SLC4A5: variants seen among roughly 807,000 people sequenced by gnomAD.
SLC4A5 encodes electrogenic sodium bicarbonate cotransporter 4.
Under a neutral mutation model 120.4 loss-of-function variants are expected in SLC4A5, and 96 were observed. That is an observed-to-expected ratio of 0.80 (90% CI 0.68 to 0.94). The LOEUF is 0.94. Ranked by LOEUF, SLC4A5 falls within the 40% of genes least tolerant of loss-of-function variation. The pLI is 0.00. For synonymous variants in SLC4A5, 550 were observed against 571.1 expected, an observed-to-expected ratio of 0.96 and a Z score of 0.53; for missense variants, 1,259 against 1,459.5, an observed-to-expected ratio of 0.86 and a Z score of 2.24.
At chr2:74,228,002 G>A (rs2103894318) in intron 25 of SLC4A5, 124 bp from the exon 26 acceptor site, 2 of 670,730 alleles carry the variant, frequency 3.0e-6, no homozygotes, top group East Asian at 5.7e-5. Context: ...GGGGAACAGA[G>A]AGTCAGCAGA....
rs113461179 is a variant in SLC4A5 at position 74,303,500 on chromosome 2, G to A, written c.271+989C>T. On this transcript the variant is annotated intron_variant, in intron 7 of 30. Coordinates refer to ENST00000394019, the Ensembl canonical transcript of SLC4A5. Reference sequence around the variant, plus strand: ...TGGGATATGCTGAGAGTGAAATCACGTCCCCAGAAACATCAGTAAAGTCAC... The same window carrying A: ...TGGGATATGCTGAGAGTGAAATCACATCCCCAGAAACATCAGTAAAGTCAC... 7.9e-5 allele frequency among the ~76,000 whole-genome samples: 12 copies of A among 152,268 alleles called. 1 individual carries two copies. The highest frequency in any genetic ancestry group is 2.4e-4 in the African/African-American group (10 of 41,540).
Position 74,301,058 on chromosome 2 carries a change from T to C in SLC4A5, c.271+3431A>G, listed in dbSNP as rs3771736. ...TACAGACACCCAAGCCCCATTCACA[T>C]CTAACACGTCAGGCAGCTGGATTGT... On this transcript the variant is annotated intron_variant, in intron 7 of 30. Coordinates refer to ENST00000394019, the Ensembl canonical transcript of SLC4A5. Among the ~76,000 whole-genome samples, 59 of 152,244 alleles carry C rather than the reference T, an allele frequency of 3.9e-4. No individual in the cohort carries two copies. In the East Asian group the frequency reaches 0.01, roughly 26 times the overall value.
intron 4 of SLC4A5, among the ~76,000 whole-genome samples, chr2:74,329,311 C>T (rs995601107): frequency 2.0e-5 from 3 of 151,026 alleles, no homozygotes; most frequent in East Asian, 2.0e-4. Context: ...GTAAATTGGC[C>T]GGGTGTGGTG....
At chr2:74,335,074 C>G (rs975536916) in intron 3 of SLC4A5, among the ~76,000 whole-genome samples, 4 of 152,112 alleles carry the variant, frequency 2.6e-5, no homozygotes, top group Admixed American at 2.0e-4. Flanking sequence ...GGAGCTGATT[C>G]AGGGACGCCA....
intron 7 of SLC4A5, among the ~76,000 whole-genome samples, chr2:74,301,703 T>A (rs1439622603): frequency 6.6e-6 from 1 of 152,248 alleles, no homozygotes; most frequent in Non-Finnish European, 1.5e-5. Flanking sequence ...GAGCAAGGTT[T>A]ATATCTGTAT....
At chr2:74,236,069 T>C (rs952089900) in intron 21 of SLC4A5, among the ~76,000 whole-genome samples, 1 of 152,208 alleles carries the variant, frequency 6.6e-6, no homozygotes, top group South Asian at 2.1e-4. Flanking sequence ...AAAACCCACA[T>C]AGTGGAAAAT....
At chr2:74,253,922 A>G (rs1670874263) in intron 14 of SLC4A5, among the ~76,000 whole-genome samples, 1 of 152,220 alleles carries the variant, frequency 6.6e-6, no homozygotes, top group Admixed American at 6.5e-5. Flanking sequence ...TGTAAATGGA[A>G]ATGCCACAAC....
At chr2:74,298,014 T>C (rs975511143) in intron 7 of SLC4A5, among the ~76,000 whole-genome samples, 10 of 152,204 alleles carry the variant, frequency 6.6e-5, no homozygotes, top group Admixed American at 2.0e-4. Context: ...TTGGAGTCAA[T>C]AGATCTGTTT....
chr2:74,217,423 A>G (rs942613377), exon 31 of SLC4A5: 1 of 152,228 alleles, frequency 6.6e-6, no homozygotes, highest in Admixed American at 6.5e-5. Flanking sequence ...ATAGTTTTCA[A>G]TCATTCCTTT....
At chr2:74,310,572 T>C (rs972076865) in intron 6 of SLC4A5, among the ~76,000 whole-genome samples, 10 of 152,310 alleles carry the variant, frequency 6.6e-5, no homozygotes, top group African/African-American at 2.4e-4. Flanking sequence ...GTGATTTTTC[T>C]CCTTTGGCCT....
chr2:74,266,171 G>A (rs945410115), intron 8 of SLC4A5, among the ~76,000 whole-genome samples: 11 of 152,318 alleles, frequency 7.2e-5, no homozygotes, highest in Admixed American at 1.3e-4. Flanking sequence ...AGAAACTTGC[G>A]GAGAAGCTTC....
intron 8 of SLC4A5, among the ~76,000 whole-genome samples, chr2:74,277,619 G>A (rs1671686126): frequency 6.6e-6 from 1 of 152,094 alleles, no homozygotes; most frequent in Admixed American, 6.5e-5. Flanking sequence ...TCTTCCTTTG[G>A]CATCTCTGGA....
Position 74,265,367 on chromosome 2 carries a change from T to C in SLC4A5, c.402-103A>G, listed in dbSNP as rs1342618761. 5 of 1,384,270 alleles carry C rather than the reference T, an allele frequency of 3.6e-6. No individual in the cohort carries two copies. The Admixed American group carries it at 8.3e-5, about 23-fold the overall frequency. The allele number at this position is 1,384,270 out of a possible 1,614,324, so 85.7% of individuals were successfully genotyped here. A position where few individuals can be genotyped will look rare whatever the true frequency, so the allele number is the denominator to read the frequency against. On this transcript the variant is annotated intron_variant, in intron 8 of 30. Coordinates refer to ENST00000394019, the Ensembl canonical transcript of SLC4A5. ...GTGTCATGTGGGTTCATGCTATGTATGTGGTTGTGGTGTTGGTCCCAGACT... is the reference window on the plus strand; with the variant it reads ...GTGTCATGTGGGTTCATGCTATGTACGTGGTTGTGGTGTTGGTCCCAGACT...
At chr2:74,339,124 T>C (rs1299324838) in intron 2 of SLC4A5, 1 of 152,194 alleles carries the variant, frequency 6.6e-6, no homozygotes, top group Non-Finnish European at 1.5e-5. Flanking sequence ...GGACTGATTT[T>C]AAAAAAGAAA....
At chr2:74,332,497 T>C (rs1305548008) in intron 4 of SLC4A5, among the ~76,000 whole-genome samples, 1 of 152,208 alleles carries the variant, frequency 6.6e-6, no homozygotes, top group African/African-American at 2.4e-5. Context: ...CTTCCCCTTC[T>C]GGTCTGGACA....
intron 10 of SLC4A5, among the ~76,000 whole-genome samples, chr2:74,263,269 G>C (rs1280690275): frequency 2.0e-5 from 3 of 152,150 alleles, no homozygotes; most frequent in Non-Finnish European, 4.4e-5. Flanking sequence ...ATTTCTTGTA[G>C]AGATGGGGTT....
intron 22 of SLC4A5, 93 bp from the exon 23 acceptor site, chr2:74,233,656 C>T (rs986701499): frequency 4.2e-6 from 6 of 1,417,538 alleles, no homozygotes; most frequent in Non-Finnish European, 4.7e-6. Flanking sequence ...CTCAACTTTC[C>T]CTGACTTTGG....
chr2:74,285,128 C>A (rs943122753), intron 8 of SLC4A5, among the ~76,000 whole-genome samples: 4 of 152,124 alleles, frequency 2.6e-5, no homozygotes, highest in African/African-American at 9.7e-5. Context: ...GACTGAAGTA[C>A]CAGCTACTTG....
chr2:74,314,894 G>A, intron 6 of SLC4A5, 51 bp downstream of exon 6: 1 of 1,499,708 alleles, frequency 6.7e-7, no homozygotes, highest in African/African-American at 1.4e-5. Flanking sequence ...GACATTCAGA[G>A]AATTCTCAGT....
Sources: gnomAD v4.1 joint callset for allele counts (sites outside exome capture counted in the v4.1 genomes callset) on GRCh38, gnomAD v4.1.1 for gene constraint, MANE v1.5 for transcripts, NCBI Gene and HGNC (gene_info 2026-07-23, HGNC 2026-07-21) for gene names.